The following ANXA8 variants were observed in gnomAD, a reference collection of about 807,000 sequenced individuals.
The protein encoded by ANXA8 is VAC-beta.
ANXA8 carries 9 observed loss-of-function variants against 26.8 expected under a neutral mutation model. The ratio of observed to expected loss-of-function variants is 0.34; its 90% CI spans 0.20 to 0.59. The LOEUF (loss-of-function observed/expected upper bound fraction) is 0.59. Among genes scored for constraint, ANXA8 ranks in the 20% least tolerant of loss-of-function variants. The pLI, the probability that ANXA8 is intolerant of heterozygous loss-of-function variation, is 0.84. For synonymous variants in ANXA8, 39 were observed against 94.8 expected (o/e 0.41, Z 3.42); for missense variants, 83 against 238.5 (o/e 0.35, Z 4.29).
At chr10:47,530,802 T>C in the ANXA8 span, among the ~76,000 whole-genome samples, 4 of 130,700 alleles carry the variant, frequency 3.1e-5, 1 homozygote, top group Admixed American at 8.0e-5. Context: ...TGTCTCCTTC[T>C]ACCTAAGCAA....
At chr10:47,497,541 C>T in the ANXA8 span, among the ~76,000 whole-genome samples, 585 of 137,314 alleles carry the variant, frequency 4.3e-3, no homozygotes, top group African/African-American at 0.013. Context: ...ATTGCTTGAA[C>T]ACGGGAGGTG....
At chr10:47,918,356 GGAGAGAGAGAGAGA>G in the ANXA8 span, among the ~76,000 whole-genome samples, 5 of 17,744 alleles carry the variant, frequency 2.8e-4, no homozygotes, top group African/African-American at 6.9e-4. Context: ...GGGGAGGGAG[GGAGAGAGAGAGAGA>G]GAGAGAGAGA....
chr10:47,957,488 C>T, the ANXA8 span, among the ~76,000 whole-genome samples: 32 of 150,670 alleles, frequency 2.1e-4, 1 homozygote, highest in African/African-American at 5.7e-4. Flanking sequence ...CCTAGGGGAC[C>T]GGCTTCTTGT....
chr10:47,495,685 AGGAGG>A, the ANXA8 span, among the ~76,000 whole-genome samples: 1 of 144,968 alleles, frequency 6.9e-6, no homozygotes, highest in Non-Finnish European at 1.5e-5. Flanking sequence ...GAGGAGGAGG[AGGAGG>A]AAAAAGCCCA....
At chr10:47,593,052 C>A in the ANXA8 span, among the ~76,000 whole-genome samples, 1 of 142,892 alleles carries the variant, frequency 7.0e-6, no homozygotes, top group Non-Finnish European at 1.5e-5. Context: ...GGCTGAAAAT[C>A]ATGGGCTGCA....
At chr10:47,763,000 C>G in the ANXA8 span, 1 of 1,179,806 alleles carries the variant, frequency 8.5e-7, no homozygotes, top group Non-Finnish European at 1.1e-6. Flanking sequence ...GAGTACCACC[C>G]CCATCCCGGA....
chr10:47,628,628 T>C, the ANXA8 span, among the ~76,000 whole-genome samples: 1 of 150,028 alleles, frequency 6.7e-6, no homozygotes, highest in Non-Finnish European at 1.5e-5. Flanking sequence ...AGCTCCCTTC[T>C]GTCAGTCTTT....
At chr10:47,564,989 G>A in the ANXA8 span, 34 of 1,063,790 alleles carry the variant, frequency 3.2e-5, no homozygotes, top group Admixed American at 2.2e-4. Context: ...CCAAGTCATC[G>A]TCCACCGTCT....
the ANXA8 span, among the ~76,000 whole-genome samples, chr10:47,561,274 C>T: frequency 6.6e-6 from 1 of 151,442 alleles, no homozygotes; most frequent in Admixed American, 6.6e-5. Context: ...ATGTGCAGTA[C>T]TTTTTGTTGT....
chr10:47,587,476 T>C, the ANXA8 span, among the ~76,000 whole-genome samples: 1 of 146,318 alleles, frequency 6.8e-6, no homozygotes, highest in Non-Finnish European at 1.5e-5. Context: ...GAACTCATAC[T>C]CCAGGCCCTT....
At chr10:47,772,124 CAGT>C in the ANXA8 span, among the ~76,000 whole-genome samples, 1 of 151,454 alleles carries the variant, frequency 6.6e-6, no homozygotes, top group Non-Finnish European at 1.5e-5. Context: ...TGAGAAGTGA[CAGT>C]GGTGTCAGAA....
At chr10:47,949,575 T>C in the ANXA8 span, among the ~76,000 whole-genome samples, 9 of 150,900 alleles carry the variant, frequency 6.0e-5, no homozygotes, top group South Asian at 8.3e-4. Flanking sequence ...CAACGTACTG[T>C]GTGGCTTATA....
chr10:47,673,806 C>T, the ANXA8 span, among the ~76,000 whole-genome samples: 2 of 150,376 alleles, frequency 1.3e-5, no homozygotes, highest in African/African-American at 2.5e-5. Context: ...TTAGTTTTTC[C>T]TATTTTTAAC....
chr10:47,492,340 C>T, the ANXA8 span, among the ~76,000 whole-genome samples: 10 of 147,600 alleles, frequency 6.8e-5, 1 homozygote, highest in Non-Finnish European at 1.1e-4. Flanking sequence ...CTCACTCACC[C>T]AAGAGGCTCT....
At chr10:47,590,042 AG>A in the ANXA8 span, 1 of 146,230 alleles carries the variant, frequency 6.8e-6, no homozygotes, top group Non-Finnish European at 1.5e-5. Context: ...CCCCCCTGAC[AG>A]GGGTGGCAAG....
At chr10:47,989,731 C>G in the ANXA8 span, among the ~76,000 whole-genome samples, 1 of 87,662 alleles carries the variant, frequency 1.1e-5, no homozygotes. Context: ...GGAGCTGCCA[C>G]GCCTTGGCCT....
chr10:47,918,548 G>C, the ANXA8 span, among the ~76,000 whole-genome samples: 2 of 33,758 alleles, frequency 5.9e-5, 1 homozygote, highest in Admixed American at 5.3e-4. Context: ...CTCAAGATGC[G>C]GCTCCCCAGG....
the ANXA8 span, among the ~76,000 whole-genome samples, chr10:47,519,154 C>G: frequency 1.5e-5 from 2 of 136,962 alleles, 1 homozygote; most frequent in Non-Finnish European, 3.1e-5. Flanking sequence ...TAAGCAAATT[C>G]TCATTATGGT....
the ANXA8 span, among the ~76,000 whole-genome samples, chr10:47,595,959 T>C: frequency 1.3e-5 from 2 of 148,994 alleles, 1 homozygote; most frequent in African/African-American, 5.2e-5. Context: ...ACAATATATA[T>C]ATTTTTTTCT....
Sources: gnomAD v4.1 joint callset for allele counts (sites outside exome capture counted in the v4.1 genomes callset) on GRCh38, gnomAD v4.1.1 for gene constraint, MANE v1.5 for transcripts, NCBI Gene and HGNC (gene_info 2026-07-23, HGNC 2026-07-21) for gene names.